UTS2B: variants seen among roughly 807,000 people sequenced by gnomAD.
The protein encoded by UTS2B is urotensin-2B.
A neutral mutation model predicts 19.2 loss-of-function variants in UTS2B; 21 were observed. The observed-to-expected ratio is 1.09, with a 90% CI of 0.78 to 1.58. UTS2B has a LOEUF of 1.58. UTS2B is among the 40% of genes most tolerant of loss of function. UTS2B has a pLI of 0.00. For missense variants in UTS2B, 138 were observed against 130.3 expected (o/e 1.06, Z -0.29); for synonymous variants, 57 against 50.2 (o/e 1.14, Z -0.58).
intron 3 of UTS2B, among the ~76,000 whole-genome samples, chr3:191,313,247 G>A (rs576799543): frequency 2.0e-5 from 3 of 152,084 alleles, no homozygotes; most frequent in South Asian, 2.1e-4. Context: ...CACCCACCTC[G>A]GCCTCCCAAA....
At chr3:191,294,639 C>T (rs1716809282) in intron 4 of UTS2B, 1 of 151,682 alleles carries the variant, frequency 6.6e-6, no homozygotes, top group Admixed American at 6.6e-5. Flanking sequence ...ATGTATTCTT[C>T]CAATCTTCTC....
At chr3:191,319,920 AATT>A (rs1346939097) in intron 2 of UTS2B, among the ~76,000 whole-genome samples, 1 of 151,702 alleles carries the variant, frequency 6.6e-6, no homozygotes, top group African/African-American at 2.4e-5. Flanking sequence ...CTTTTTGGAA[AATT>A]ATTATTTGGT....
chr3:191,273,187 A>G (rs1354016355), intron 8 of UTS2B, among the ~76,000 whole-genome samples: 1 of 152,214 alleles, frequency 6.6e-6, no homozygotes, highest in East Asian at 1.9e-4. Context: ...GAGTGGCCAC[A>G]TTATATCTGA....
At position 191,328,710 on chromosome 3, in the gene UTS2B, C is replaced by T. The variant is rs1463091602; in HGVS notation, c.-664-1G>A. ...CAGGAGATGAAACAGGAGAGGTTGT[C>T]TATTTTAGAGAGATAGAAATGTCAC... On this transcript the variant is annotated splice_acceptor_variant, in intron 1 of 8. Coordinates refer to ENST00000340524, the MANE Select transcript of UTS2B (RefSeq NM_198152.5). LOFTEE classifies it low-confidence loss of function (5UTR_SPLICE). The T allele has an allele frequency of 6.6e-6, 1 of 152,216 alleles. No individual in the cohort carries two copies. The highest frequency in any genetic ancestry group is 1.9e-4 in the East Asian group (1 of 5,182). 9.4% of individuals were successfully genotyped at this position (152,216 alleles called of 1,614,324 possible). A position where few individuals can be genotyped will look rare whatever the true frequency, so the allele number is the denominator to read the frequency against.
chr3:191,282,730 T>G (rs1369037357), intron 4 of UTS2B, among the ~76,000 whole-genome samples: 1 of 152,212 alleles, frequency 6.6e-6, no homozygotes, highest in African/African-American at 2.4e-5. Context: ...ACTATCACTT[T>G]GTTCTTAACC....
intron 2 of UTS2B, among the ~76,000 whole-genome samples, chr3:191,323,145 T>TTTTA (rs1576937843): frequency 2.0e-5 from 3 of 148,770 alleles, no homozygotes; most frequent in African/African-American, 7.5e-5. Flanking sequence ...TTTTATTTTA[T>TTTTA]TTTATTTATT....
chr3:191,323,247 G>T (rs1717657589), intron 2 of UTS2B, among the ~76,000 whole-genome samples: 1 of 152,076 alleles, frequency 6.6e-6, no homozygotes. Flanking sequence ...AGAGATCTGG[G>T]CTCACTGCTA....
chr3:191,329,733 C>T, intron 1 of UTS2B: 3 of 1,608,432 alleles, frequency 1.9e-6, no homozygotes, highest in Non-Finnish European at 2.5e-6. Context: ...GGTAAGGGCC[C>T]CGGAGGGAGA....
intron 4 of UTS2B, among the ~76,000 whole-genome samples, chr3:191,287,927 A>G (rs1716601208): frequency 6.6e-6 from 1 of 152,186 alleles, no homozygotes. Flanking sequence ...TAGAAATACT[A>G]TGTGAGTTCA....
At chr3:191,307,532 G>A (rs906927145) in intron 3 of UTS2B, among the ~76,000 whole-genome samples, 3 of 152,196 alleles carry the variant, frequency 2.0e-5, no homozygotes, top group African/African-American at 7.2e-5. Flanking sequence ...CGATTGCCGA[G>A]TCCTGCAGGA....
intron 4 of UTS2B, among the ~76,000 whole-genome samples, chr3:191,285,042 C>T (rs570117473): frequency 1.3e-5 from 2 of 152,206 alleles, no homozygotes; most frequent in African/African-American, 4.8e-5. Context: ...ACTTCAGATG[C>T]TCTAATATTG....
intron 5 of UTS2B, 30 bp from the exon 6 acceptor site, chr3:191,278,200 T>A (rs1189930720): frequency 2.4e-6 from 3 of 1,238,244 alleles, no homozygotes; most frequent in Non-Finnish European, 3.4e-6. Context: ...CCATTTTCAA[T>A]TTGAGTCACC....
intron 4 of UTS2B, among the ~76,000 whole-genome samples, chr3:191,295,594 C>A (rs1716837372): frequency 1.3e-5 from 2 of 152,006 alleles, no homozygotes; most frequent in African/African-American, 4.8e-5. Context: ...TCTCTCCCCA[C>A]CTCTTTTGTA....
At chr3:191,299,131 TAA>T (rs55642899) in intron 4 of UTS2B, among the ~76,000 whole-genome samples, 52,151 of 152,028 alleles carry the variant, frequency 0.34, 9,360 homozygotes, top group East Asian at 0.5. Flanking sequence ...AAGCAGAGCA[TAA>T]AAGTTTGGAA....
chr3:191,323,532 A>G (rs1717665651), intron 2 of UTS2B, among the ~76,000 whole-genome samples: 1 of 152,168 alleles, frequency 6.6e-6, no homozygotes, highest in Admixed American at 6.5e-5. Flanking sequence ...GGGACCTTGT[A>G]GGTATAAGGG....
intron 4 of UTS2B, among the ~76,000 whole-genome samples, chr3:191,296,368 G>A (rs1290324345): frequency 6.6e-6 from 1 of 152,062 alleles, no homozygotes; most frequent in African/African-American, 2.4e-5. Flanking sequence ...GATTAAGCAG[G>A]TCATCCTGTC....
intron 3 of UTS2B, among the ~76,000 whole-genome samples, chr3:191,306,417 A>G (rs9808988): frequency 0.2 from 29,801 of 152,152 alleles, 3,201 homozygotes; most frequent in Non-Finnish European, 0.24. Flanking sequence ...TTTTCAAATA[A>G]TCCATCATCT....
intron 8 of UTS2B, among the ~76,000 whole-genome samples, chr3:191,272,145 G>A (rs978027807): frequency 1.3e-5 from 2 of 152,072 alleles, no homozygotes; most frequent in African/African-American, 4.8e-5. Context: ...ATGTAAACTC[G>A]GTCAAAATTA....
chr3:191,323,965 G>T (rs1298074668), intron 2 of UTS2B, among the ~76,000 whole-genome samples: 2 of 152,160 alleles, frequency 1.3e-5, no homozygotes, highest in Admixed American at 1.3e-4. Context: ...ATGGTGCGAT[G>T]GCTTGAATGT....
Sources: allele counts gnomAD v4.1 joint callset (sites outside exome capture counted in the v4.1 genomes callset), GRCh38; gene constraint gnomAD v4.1.1; transcripts MANE v1.5; gene names NCBI Gene and HGNC (gene_info 2026-07-23, HGNC 2026-07-21).